Variants in CPLANE1 observed in about 807,000 individuals in gnomAD.
CPLANE1 encodes ciliogenesis and planar polarity effector complex subunit 1, also known as ciliogenesis and planar polarity effector 1.
Under a neutral mutation model 362.5 loss-of-function variants are expected in CPLANE1, and 263 were observed. The observed-to-expected ratio is 0.73, with a 90% confidence interval of 0.66 to 0.80. The LOEUF is 0.80. Among genes scored for constraint, CPLANE1 ranks in the 30% least tolerant of loss-of-function variants. The pLI, the probability that CPLANE1 is intolerant of heterozygous loss-of-function variation, is 0.00. For synonymous variants in CPLANE1, 1,212 were observed against 1,302.6 expected, an observed-to-expected ratio of 0.93 and a Z score of 1.50; for missense variants, 3,461 against 3,793.4, an observed-to-expected ratio of 0.91 and a Z score of 2.30.
rs760928516 is a variant in CPLANE1, at chr5:37,210,960, A to G, written c.2920+2599T>C. ...GATACTAGGTTACAAAGTTTCCATA[A>G]AGAGGTTAACTATTCAGGTTGCCGA... On this transcript the variant is annotated intron_variant, in intron 16 of 52. Transcript: ENST00000651892. 9.7e-5 allele frequency: 76 copies of G among 781,182 alleles called. 1 individual carries two copies. The highest frequency in any genetic ancestry group is 1.9e-4 in the South Asian group (14 of 74,582). The allele number at this position is 781,182 out of a possible 1,614,324, so 48.4% of individuals were successfully genotyped here.
chr5:37,081,038 A>G, the CPLANE1 span, among the ~76,000 whole-genome samples: 1 of 152,194 alleles, frequency 6.6e-6, no homozygotes, highest in Non-Finnish European at 1.5e-5. Context: ...AAAAATTACA[A>G]GCTGGGTGTG....
chr5:37,223,856 CA>C (rs770855448), intron 14 of CPLANE1, among the ~76,000 whole-genome samples: 18 of 145,814 alleles, frequency 1.2e-4, no homozygotes, highest in South Asian at 2.2e-4. Context: ...CTCTAAATGA[CA>C]AAAAAAAAAC....
chr5:37,132,865 T>A (rs917958583), intron 46 of CPLANE1, among the ~76,000 whole-genome samples: 2 of 152,200 alleles, frequency 1.3e-5, no homozygotes, highest in Non-Finnish European at 2.9e-5. Context: ...GTGTCCAGAA[T>A]GGTATTTCCT....
rs1319177878 is a variant in CPLANE1, at chr5:37,106,987, C to T, written c.*615G>A. The T allele has an allele frequency of 1.0e-6, 1 of 985,274 alleles. No homozygotes were observed. The highest frequency in any genetic ancestry group is 1.7e-5 in the African/African-American group (1 of 57,226). The allele number at this position is 985,274 out of a possible 1,614,324, so 61.0% of individuals were successfully genotyped here. A position where few individuals can be genotyped will look rare whatever the true frequency, so the allele number is the denominator to read the frequency against. On this transcript the variant is annotated 3_prime_UTR_variant, in exon 53 of 53. Coordinates refer to ENST00000651892, the MANE Select transcript of CPLANE1 (RefSeq NM_001384732.1). ...GAGTCATATTCCCTTACTTTCCTGC[C>T]CAAAGCATCCATTCCTGTTTCTTCC...
At chr5:37,199,543 G>C (rs1350602673) in intron 19 of CPLANE1, among the ~76,000 whole-genome samples, 1 of 152,160 alleles carries the variant, frequency 6.6e-6, no homozygotes, top group Non-Finnish European at 1.5e-5. Flanking sequence ...CCAAGAGGAA[G>C]GGCCTTGTCA....
intron 46 of CPLANE1, among the ~76,000 whole-genome samples, chr5:37,136,748 C>G (rs1207903952): frequency 6.6e-6 from 1 of 152,234 alleles, no homozygotes; most frequent in Non-Finnish European, 1.5e-5. Flanking sequence ...AAGCTCAACA[C>G]CACGTGGAGG....
chr5:37,143,268 C>A (rs922892530), intron 43 of CPLANE1, among the ~76,000 whole-genome samples: 10 of 152,134 alleles, frequency 6.6e-5, no homozygotes, highest in African/African-American at 2.4e-4. Flanking sequence ...TAAAAAATTA[C>A]AATTCACACA....
At chr5:37,246,856 C>T (rs151098458) in intron 2 of CPLANE1, among the ~76,000 whole-genome samples, 41 of 152,070 alleles carry the variant, frequency 2.7e-4, no homozygotes, top group African/African-American at 8.9e-4. Flanking sequence ...TGCAGTGAGC[C>T]GAGAGGATGC....
chr5:37,246,206 A>C (rs575064997), intron 2 of CPLANE1: 2 of 150,658 alleles, frequency 1.3e-5, no homozygotes, highest in African/African-American at 5.0e-5. Context: ...CCCAGCCTTA[A>C]GTGGAGTAGA....
intron 43 of CPLANE1, among the ~76,000 whole-genome samples, chr5:37,147,091 C>A (rs554590607): frequency 6.6e-6 from 1 of 152,046 alleles, no homozygotes. Flanking sequence ...AAGAAATGAA[C>A]GGATCAAGCT....
At chr5:37,113,392 T>C (rs188044958) in intron 51 of CPLANE1, among the ~76,000 whole-genome samples, 26 of 152,336 alleles carry the variant, frequency 1.7e-4, no homozygotes, top group African/African-American at 6.0e-4. Context: ...TTTACCATGA[T>C]TGTGAGGCCT....
rs909461948 is a variant in CPLANE1, at chr5:37,114,478, G to T, written c.9400+482C>A. ...GGTTAGAAATTTGCGTAAGGTTACA[G>T]AGTAAGTGGTTAACTTGATTCCATA... On this transcript the variant is annotated intron_variant, in intron 51 of 52. Coordinates refer to ENST00000651892, the MANE Select transcript of CPLANE1 (RefSeq NM_001384732.1). Among the ~76,000 whole-genome samples, 3 of 152,210 alleles carry T rather than the reference G, an allele frequency of 2.0e-5. No homozygotes were observed. In the East Asian group the frequency reaches 5.8e-4, roughly 29 times the overall value.
intron 15 of CPLANE1, among the ~76,000 whole-genome samples, chr5:37,214,423 T>G (rs1336261449): frequency 6.6e-6 from 1 of 152,100 alleles, no homozygotes; most frequent in East Asian, 1.9e-4. Flanking sequence ...TGCAGTAAGC[T>G]GAGATTGTGC....
rs1164035812 is a variant in CPLANE1, at chr5:37,180,828, TGAAAA to T, written c.5570+24_5570+28del. ...TGCCATCAAACTACATGTCTTATATTGAAAAGAAGAGTATAATCGGCAACTTACTT... is the reference window on the plus strand; with the variant it reads ...TGCCATCAAACTACATGTCTTATATTGAAGAGTATAATCGGCAACTTACTT... On this transcript the variant is annotated intron_variant, in intron 27 of 52. Coordinates refer to ENST00000651892, the MANE Select transcript of CPLANE1 (RefSeq NM_001384732.1). 5.6e-6 allele frequency: 9 copies of T among 1,605,826 alleles called. No individual in the cohort carries two copies. In the East Asian group the frequency reaches 6.7e-5, roughly 12 times the overall value.
chr5:37,165,817 G>T, intron 35 of CPLANE1, 146 bp from the exon 36 acceptor site: 1 of 693,010 alleles, frequency 1.4e-6, no homozygotes, highest in Non-Finnish European at 2.3e-6. Context: ...AAGATATTCT[G>T]CAAATACAAG....
chr5:37,244,634 A>C, intron 4 of CPLANE1, 27 bp from the exon 5 acceptor site: 2 of 1,338,396 alleles, frequency 1.5e-6, no homozygotes, highest in Non-Finnish European at 2.1e-6. Context: ...AAAAGTAATT[A>C]AGCCTCTGAA....
chr5:37,223,332 G>A (rs935106677), intron 14 of CPLANE1, among the ~76,000 whole-genome samples: 1 of 152,062 alleles, frequency 6.6e-6, no homozygotes, highest in Non-Finnish European at 1.5e-5. Context: ...GTATTGAGGT[G>A]TTCTTCTGTG....
intron 46 of CPLANE1, among the ~76,000 whole-genome samples, chr5:37,128,263 A>C (rs1393706421): frequency 6.6e-6 from 1 of 152,114 alleles, no homozygotes; most frequent in Non-Finnish European, 1.5e-5. Context: ...TCAGTCACCC[A>C]AGTAAAAAAG....
the CPLANE1 span, among the ~76,000 whole-genome samples, chr5:37,078,442 T>C: frequency 6.6e-6 from 1 of 152,218 alleles, no homozygotes; most frequent in African/African-American, 2.4e-5. Context: ...ATTTTATTTG[T>C]CCAGTCTATG....
Sources: gnomAD v4.1 joint callset for allele counts (sites outside exome capture counted in the v4.1 genomes callset) on GRCh38, gnomAD v4.1.1 for gene constraint, MANE v1.5 for transcripts, NCBI Gene and HGNC (gene_info 2026-07-23, HGNC 2026-07-21) for gene names.